Variants in TBC1D14 observed in about 807,000 individuals in gnomAD.
The protein encoded by TBC1D14 is TBC1 domain family member 14.
Under a neutral mutation model 79.0 loss-of-function variants are expected in TBC1D14, and 26 were observed. That is an observed-to-expected ratio of 0.33 (90% CI 0.24 to 0.46). The LOEUF (loss-of-function observed/expected upper bound fraction) is 0.46, where lower values mean the gene tolerates loss of function less well. Ranked by LOEUF, TBC1D14 falls within the 20% of genes least tolerant of loss-of-function variation. The pLI is 1.00. For missense variants in TBC1D14, 769 were observed against 887.6 expected (o/e 0.87, Z 1.70); for synonymous variants, 394 against 349.9 (o/e 1.13, Z -1.40).
intron 2 of TBC1D14, among the ~76,000 whole-genome samples, chr4:6,928,805 G>T (rs1364939267): frequency 6.6e-6 from 1 of 152,184 alleles, no homozygotes; most frequent in Non-Finnish European, 1.5e-5. Context: ...AAGGATACAG[G>T]GAAATAGGAA....
At chr4:7,004,302 ATTCCTGGGATC>A (rs1429352291) in intron 7 of TBC1D14, among the ~76,000 whole-genome samples, 2 of 152,206 alleles carry the variant, frequency 1.3e-5, no homozygotes, top group Non-Finnish European at 2.9e-5. Context: ...GCTTCTGCGT[ATTCCTGGGATC>A]TTCCCCCACC....
chr4:7,002,019 G>A (rs1451231331), intron 7 of TBC1D14, among the ~76,000 whole-genome samples: 1 of 152,168 alleles, frequency 6.6e-6, no homozygotes, highest in African/African-American at 2.4e-5. Context: ...TGCTCATGAA[G>A]GCCTTGAGTT....
chr4:6,954,201 A>C (rs1714393933), intron 2 of TBC1D14: 2 of 696,852 alleles, frequency 2.9e-6, no homozygotes, highest in Admixed American at 4.1e-5. Context: ...GCACCCATGG[A>C]GTTTCCCCGG....
intron 2 of TBC1D14, among the ~76,000 whole-genome samples, chr4:6,951,786 G>A (rs1281593893): frequency 6.6e-6 from 1 of 152,232 alleles, no homozygotes; most frequent in Non-Finnish European, 1.5e-5. Flanking sequence ...ATGTTTGGAA[G>A]ACTTCACCAG....
intron 13 of TBC1D14, among the ~76,000 whole-genome samples, chr4:7,029,686 G>A (rs1161179010): frequency 3.9e-5 from 6 of 152,182 alleles, no homozygotes; most frequent in East Asian, 3.8e-4. Context: ...TTAGCCAGGC[G>A]TGGTGGCACA....
intron 6 of TBC1D14, among the ~76,000 whole-genome samples, chr4:7,000,626 G>C (rs1719571287): frequency 6.6e-6 from 1 of 152,184 alleles, no homozygotes; most frequent in Admixed American, 6.5e-5. Context: ...AATGTTCTGA[G>C]TCAGCAGTTC....
chr4:7,002,561 G>T (rs925373817), intron 7 of TBC1D14, among the ~76,000 whole-genome samples: 2 of 152,188 alleles, frequency 1.3e-5, no homozygotes, highest in East Asian at 1.9e-4. Flanking sequence ...GTATTGGCTC[G>T]ATTTGTGTAC....
At chr4:6,989,474 C>T (rs1397973026) in intron 3 of TBC1D14, among the ~76,000 whole-genome samples, 1 of 152,222 alleles carries the variant, frequency 6.6e-6, no homozygotes, top group Non-Finnish European at 1.5e-5. Context: ...ACCTGTCTGT[C>T]CACTCAGCTG....
At chr4:6,942,356 A>C (rs1421822333) in intron 2 of TBC1D14, among the ~76,000 whole-genome samples, 1 of 151,982 alleles carries the variant, frequency 6.6e-6, no homozygotes, top group African/African-American at 2.4e-5. Context: ...AGCTGTTTCA[A>C]CTCCAGTTTT....
At chr4:6,911,586 C>T (rs1722995247) in intron 1 of TBC1D14, among the ~76,000 whole-genome samples, 1 of 152,262 alleles carries the variant, frequency 6.6e-6, no homozygotes, top group African/African-American at 2.4e-5. Context: ...GTTCCTTTAG[C>T]CCCTGCAGTT....
chr4:6,969,321 A>T (rs1459966642), intron 3 of TBC1D14, among the ~76,000 whole-genome samples: 1 of 152,234 alleles, frequency 6.6e-6, no homozygotes, highest in African/African-American at 2.4e-5. Flanking sequence ...AAAAGCAACA[A>T]TTACATTAAA....
chr4:6,909,587 G>A (rs915743694), upstream of TBC1D14: 1 of 151,450 alleles, frequency 6.6e-6, no homozygotes, highest in African/African-American at 2.4e-5. Context: ...CACTCCGGTT[G>A]GTTCTCCGGC....
intron 3 of TBC1D14, among the ~76,000 whole-genome samples, chr4:6,969,563 G>A (rs1037632762): frequency 2.6e-5 from 4 of 152,032 alleles, no homozygotes; most frequent in Non-Finnish European, 2.9e-5. Flanking sequence ...CCACCACCGC[G>A]CCTGGCTAAC....
At chr4:6,987,118 C>T in intron 3 of TBC1D14, 1 of 1,185,970 alleles carries the variant, frequency 8.4e-7, no homozygotes, top group Non-Finnish European at 1.0e-6. Flanking sequence ...TCATCAGCCC[C>T]GCCCCCTTGG....
Position 6,999,024 on chromosome 4 carries a change from T to C in TBC1D14, c.1046-61T>C. 2.6e-6 allele frequency: 4 copies of C among 1,548,054 alleles called. 1 individual carries two copies. In the South Asian group the frequency reaches 4.5e-5, roughly 17 times the overall value. ...TTCGCAGTGTGACAGGAAAATCACC[T>C]TGCCTGGAAATGGTCCATATCAGTT... is the stretch of plus-strand genomic sequence containing the variant. On this transcript the variant is annotated intron_variant, in intron 5 of 13. Transcript: ENST00000409757.
chr4:6,965,434 G>A (rs1275250283), intron 2 of TBC1D14, among the ~76,000 whole-genome samples: 2 of 152,116 alleles, frequency 1.3e-5, no homozygotes, highest in African/African-American at 2.4e-5. Context: ...CTCAGTCTGG[G>A]TGTGTCTGCT....
intron 5 of TBC1D14, among the ~76,000 whole-genome samples, chr4:6,996,690 G>A (rs943140940): frequency 6.6e-6 from 1 of 152,214 alleles, no homozygotes; most frequent in Non-Finnish European, 1.5e-5. Flanking sequence ...TCCCAAGGAG[G>A]CCTCTTCCAT....
rs1167917484 is a variant in TBC1D14, at chr4:6,967,506, T to G, written c.843+82T>G. 4 of 1,533,656 alleles carry G rather than the reference T, an allele frequency of 2.6e-6. No homozygotes were observed. In the African/African-American group the frequency reaches 5.6e-5, roughly 21 times the overall value. On this transcript the variant is annotated intron_variant, in intron 3 of 13. Coordinates refer to ENST00000409757, the MANE Select transcript of TBC1D14 (RefSeq NM_020773.3). ...ATGAACCTTGCAAAAATGACCATAT[T>G]GAGTCTGAAACTGGAAATCGCTTTG...
intron 8 of TBC1D14, 61 bp from the exon 9 acceptor site, chr4:7,006,571 T>A: frequency 6.8e-7 from 1 of 1,473,788 alleles, no homozygotes; most frequent in East Asian, 2.3e-5. Flanking sequence ...CTTCAAAGGC[T>A]CGTAATTGTC....
Sources: gnomAD v4.1 joint callset for allele counts (sites outside exome capture counted in the v4.1 genomes callset) on GRCh38, gnomAD v4.1.1 for gene constraint, MANE v1.5 for transcripts, NCBI Gene and HGNC (gene_info 2026-07-23, HGNC 2026-07-21) for gene names.